Variants in PRTG observed in about 807,000 individuals in gnomAD.
The protein encoded by PRTG is protogenin.
PRTG carries 67 observed loss-of-function variants against 122.5 expected under a neutral mutation model. The ratio of observed to expected loss-of-function variants is 0.55; its 90% confidence interval spans 0.45 to 0.67. The LOEUF is 0.67. PRTG is among the 30% of genes least tolerant of loss of function. PRTG has a pLI of 0.00. For missense variants in PRTG, 1,435 were observed against 1,415.4 expected (o/e 1.01, Z -0.22); for synonymous variants, 554 against 501.1 (o/e 1.11, Z -1.41).
At chr15:55,729,017 C>T (rs2141880257) in intron 2 of PRTG, among the ~76,000 whole-genome samples, 1 of 152,152 alleles carries the variant, frequency 6.6e-6, no homozygotes, top group African/African-American at 2.4e-5. Context: ...GAATAAGATG[C>T]CCAGATATAA....
intron 9 of PRTG, 97 bp from the exon 10 acceptor site, chr15:55,673,773 TAAA>T: frequency 1.1e-6 from 1 of 909,962 alleles, no homozygotes; most frequent in African/African-American, 1.7e-5. Context: ...CAACATATAA[TAAA>T]GAAGAGACAC....
At chr15:55,696,262 T>TA (rs953122404) in intron 2 of PRTG, among the ~76,000 whole-genome samples, 2 of 152,074 alleles carry the variant, frequency 1.3e-5, no homozygotes, top group African/African-American at 4.8e-5. Context: ...TCCTGTTTCT[T>TA]AAAAAAAGAA....
chr15:55,653,714 T>A (rs2059365791), intron 11 of PRTG, among the ~76,000 whole-genome samples: 1 of 152,210 alleles, frequency 6.6e-6, no homozygotes, highest in Non-Finnish European at 1.5e-5. Context: ...TCTGCCCGCC[T>A]TGGCCTCCCA....
At chr15:55,639,898 AAAT>A in intron 12 of PRTG, 70 bp from the exon 13 acceptor site, 2 of 1,565,738 alleles carry the variant, frequency 1.3e-6, no homozygotes, top group Non-Finnish European at 1.7e-6. Context: ...TAAAATGGTA[AAAT>A]AATAATATCC....
At chr15:55,650,786 A>T (rs2059349200) in intron 11 of PRTG, among the ~76,000 whole-genome samples, 1 of 152,048 alleles carries the variant, frequency 6.6e-6, no homozygotes, top group South Asian at 2.1e-4. Context: ...GCAACACAGC[A>T]AAGCCCCCGT....
At chr15:55,730,548 C>G (rs1248910106) in intron 2 of PRTG, among the ~76,000 whole-genome samples, 2 of 152,112 alleles carry the variant, frequency 1.3e-5, no homozygotes, top group Non-Finnish European at 2.9e-5. Flanking sequence ...AGCCTGTAAT[C>G]CCAGCACTTT....
chr15:55,725,737 C>T (rs1310623849), intron 2 of PRTG, among the ~76,000 whole-genome samples: 2 of 152,140 alleles, frequency 1.3e-5, no homozygotes, highest in Admixed American at 6.6e-5. Flanking sequence ...TTTTTAAAAA[C>T]TCATGATTGA....
At chr15:55,646,271 C>A (rs933529553) in intron 11 of PRTG, among the ~76,000 whole-genome samples, 1 of 151,096 alleles carries the variant, frequency 6.6e-6, no homozygotes, top group Non-Finnish European at 1.5e-5. Flanking sequence ...CTTGGCCTCC[C>A]AAAGTGCCCG....
At chr15:55,698,115 G>C (rs962270855) in intron 2 of PRTG, among the ~76,000 whole-genome samples, 1 of 151,948 alleles carries the variant, frequency 6.6e-6, no homozygotes, top group African/African-American at 2.4e-5. Flanking sequence ...CCAGCTCTGC[G>C]CCCTTATTCC....
chr15:55,635,223 T>C (rs1659297), intron 15 of PRTG, among the ~76,000 whole-genome samples: 145,426 of 152,196 alleles, frequency 0.96, 69,832 homozygotes, highest in East Asian at 1. Flanking sequence ...TCCCGAGTAG[T>C]TGGGCCTACA....
At position 55,616,209 on chromosome 15, in the gene PRTG, T is replaced by C. The variant is rs2059141203; in HGVS notation, c.*3803A>G. The C allele has an allele frequency of 6.6e-6, 1 of 152,174 alleles. No homozygotes were observed. Among genetic ancestry groups the C allele is most frequent in the African/African-American group, 2.4e-5 (1 of 41,458 alleles). 9.4% of individuals were successfully genotyped at this position (152,174 alleles called of 1,614,324 possible). On this transcript the variant is annotated 3_prime_UTR_variant, in exon 20 of 20. Coordinates refer to ENST00000389286, the MANE Select transcript of PRTG (RefSeq NM_173814.6). ...CCTTTACCCAAGGTTCCATTAAAGTTTGAAAACTGAGCTCCTTTGGTGCAA... is the reference window on the plus strand; with the variant it reads ...CCTTTACCCAAGGTTCCATTAAAGTCTGAAAACTGAGCTCCTTTGGTGCAA...
intron 15 of PRTG, among the ~76,000 whole-genome samples, chr15:55,635,071 C>G (rs1269792605): frequency 6.3e-5 from 2 of 31,606 alleles, no homozygotes; most frequent in South Asian, 1.4e-3. Flanking sequence ...GTTGTTGGTT[C>G]TGGGTGTGTG....
At position 55,614,644 on chromosome 15, in the gene PRTG, A is replaced by T. The variant is rs1224054249; in HGVS notation, c.*5368T>A. On this transcript the variant is annotated 3_prime_UTR_variant, in exon 20 of 20. Coordinates refer to ENST00000389286, the MANE Select transcript of PRTG (RefSeq NM_173814.6). ...AAATATTTAGGACACTTGCTGATAAACATGAGATGTTATTTTATGAAGCAC... is the reference window on the plus strand; with the variant it reads ...AAATATTTAGGACACTTGCTGATAATCATGAGATGTTATTTTATGAAGCAC... 1.3e-5 allele frequency: 2 copies of T among 152,170 alleles called. No individual in the cohort carries two copies. The highest frequency in any genetic ancestry group is 4.8e-5 in the African/African-American group (2 of 41,450). 9.4% of individuals were successfully genotyped at this position (152,170 alleles called of 1,614,324 possible). A position where few individuals can be genotyped will look rare whatever the true frequency, so the allele number is the denominator to read the frequency against.
At chr15:55,741,506 A>G (rs2031606492) in intron 1 of PRTG, among the ~76,000 whole-genome samples, 1 of 152,244 alleles carries the variant, frequency 6.6e-6, no homozygotes, top group Non-Finnish European at 1.5e-5. Context: ...TATCCTAAGC[A>G]TATACACATC....
intron 2 of PRTG, among the ~76,000 whole-genome samples, chr15:55,739,918 C>T (rs2141897621): frequency 6.6e-6 from 1 of 152,312 alleles, no homozygotes; most frequent in Non-Finnish European, 1.5e-5. Flanking sequence ...TAAAAGGCAA[C>T]ATGGGTGATC....
chr15:55,648,916 G>T (rs1301059744), intron 11 of PRTG, among the ~76,000 whole-genome samples: 2 of 151,718 alleles, frequency 1.3e-5, no homozygotes, highest in Admixed American at 6.6e-5. Flanking sequence ...GGCCAATATG[G>T]TGAAACCCCG....
rs753615214 is a variant in PRTG at position 55,682,464 on chromosome 15, G to C, written c.576C>G (p.Ile192Met). The C allele has an allele frequency of 6.3e-6, 10 of 1,593,568 alleles. No homozygotes were observed. The South Asian group carries it at 1.1e-4, about 18-fold the overall frequency. The part of the protein sequence containing the change: ...ITALPTGVLQ[I>M]YDVSQRDSGN... ...CAGAATCCCTTTGGCTGACATCATAGATCTGCAATACTCCTGTTGGTAGGG... is the reference window on the plus strand; with the variant it reads ...CAGAATCCCTTTGGCTGACATCATACATCTGCAATACTCCTGTTGGTAGGG... Residue 192 changes from isoleucine to methionine, a missense_variant, in exon 4 of 20, where the codon ATC becomes ATG. Ile to Met is a conservative substitution (Grantham distance 10, BLOSUM62 1). Transcript: ENST00000389286.
rs2141718251 is a variant in PRTG at position 55,628,850 on chromosome 15, G to A, written c.2778C>T (p.Pro926=). 1 of 1,613,644 alleles carries A rather than the reference G, an allele frequency of 6.2e-7. No homozygotes were observed. The highest frequency in any genetic ancestry group is 1.1e-5 in the South Asian group (1 of 91,010). ...TGGCATCAGCAGAATCTAAACGCTT[G>A]GGCCTCTGATTTGATTCAGAGGTTT... ...PKETSESNQR[P]KRLDSADAKV... Residue 926 remains proline, a synonymous_variant, in exon 16 of 20, where the codon CCC becomes CCT. Transcript: ENST00000389286.
At position 55,615,734 on chromosome 15, in the gene PRTG, C is replaced by A. The variant is rs933350268; in HGVS notation, c.*4278G>T. The A allele has an allele frequency of 1.3e-5, 2 of 151,746 alleles. No homozygotes were observed. Among genetic ancestry groups the A allele is most frequent in the African/African-American group, 2.4e-5 (1 of 41,360 alleles). 9.4% of individuals were successfully genotyped at this position (151,746 alleles called of 1,614,324 possible). Reference sequence around the variant, plus strand: ...CAATATAACTGGAGTTTTTTTTTTACATTCAGTATTCAAAATTTACATTCA... The same window carrying A: ...CAATATAACTGGAGTTTTTTTTTTAAATTCAGTATTCAAAATTTACATTCA... On this transcript the variant is annotated 3_prime_UTR_variant, in exon 20 of 20. Coordinates refer to ENST00000389286, the MANE Select transcript of PRTG (RefSeq NM_173814.6).
Sources: allele counts gnomAD v4.1 joint callset (sites outside exome capture counted in the v4.1 genomes callset), GRCh38; gene constraint gnomAD v4.1.1; transcripts MANE v1.5; gene names NCBI Gene and HGNC (gene_info 2026-07-23, HGNC 2026-07-21).